GALNT10: variants seen among roughly 807,000 people sequenced by gnomAD.
GALNT10 encodes the protein polypeptide N-acetylgalactosaminyltransferase 10.
A neutral mutation model predicts 75.0 loss-of-function variants in GALNT10; 41 were observed. The observed-to-expected ratio is 0.55, with a 90% CI of 0.43 to 0.71. GALNT10 has a LOEUF of 0.71. Ranked by LOEUF, GALNT10 falls within the 30% of genes least tolerant of loss-of-function variation. GALNT10 has a pLI of 0.00. For missense variants in GALNT10, 727 were observed against 818.5 expected (o/e 0.89, Z 1.36); for synonymous variants, 302 against 313.0 (o/e 0.96, Z 0.37).
chr5:154,269,533 G>C (rs1271219117), intron 1 of GALNT10, among the ~76,000 whole-genome samples: 1 of 152,176 alleles, frequency 6.6e-6, no homozygotes, highest in Non-Finnish European at 1.5e-5. Flanking sequence ...TATAAATGCT[G>C]TGTCCTTTGA....
At chr5:154,373,036 G>A (rs1224707547) in intron 4 of GALNT10, among the ~76,000 whole-genome samples, 1 of 152,140 alleles carries the variant, frequency 6.6e-6, no homozygotes, top group Non-Finnish European at 1.5e-5. Flanking sequence ...CTAGAATAGG[G>A]GTGATGAGTA....
Position 154,391,563 on chromosome 5 carries a change from C to T in GALNT10, c.1056+5133C>T, listed in dbSNP as rs550385959. On this transcript the variant is annotated intron_variant, in intron 7 of 11. Coordinates refer to ENST00000297107, the MANE Select transcript of GALNT10 (RefSeq NM_198321.4). The stretch of plus-strand genomic sequence containing the variant: ...AGTCTTTAACTCCATAGCCTAGCTC[C>T]AGCTAGGTTCATGAGCTGGCCCTAC... 6.6e-5 allele frequency among the ~76,000 whole-genome samples: 10 copies of T among 152,344 alleles called. No homozygotes were observed. In the South Asian group the frequency reaches 2.1e-3, roughly 32 times the overall value.
rs537934190 is a variant in GALNT10 at position 154,257,158 on chromosome 5, T to A, written c.160-37658T>A. Among the ~76,000 whole-genome samples the A allele has an allele frequency of 1.1e-4, 17 of 152,224 alleles. No individual in the cohort carries two copies. The South Asian group carries it at 3.5e-3, about 32-fold the overall frequency. ...ATAAACTGAGACTCAGGTTAAGCAATTGCCCAAAGCTACTTATCTAGCCAG... is the reference window on the plus strand; with the variant it reads ...ATAAACTGAGACTCAGGTTAAGCAAATGCCCAAAGCTACTTATCTAGCCAG... On this transcript the variant is annotated intron_variant, in intron 1 of 11. Transcript: ENST00000297107.
At position 154,279,372 on chromosome 5, in the gene GALNT10, C is replaced by T. The variant is rs541611188; in HGVS notation, c.160-15444C>T. Reference sequence around the variant, plus strand: ...AGGCTGGAGTACAATGGCACGATCTCGGCTCACCACAACCTCCGCCTCCCA... The same window carrying T: ...AGGCTGGAGTACAATGGCACGATCTTGGCTCACCACAACCTCCGCCTCCCA... On this transcript the variant is annotated intron_variant, in intron 1 of 11. Coordinates refer to ENST00000297107, the MANE Select transcript of GALNT10 (RefSeq NM_198321.4). Among the ~76,000 whole-genome samples the T allele has an allele frequency of 3.7e-4, 55 of 147,144 alleles. 1 individual carries two copies. The East Asian group carries it at 7.7e-3, about 21-fold the overall frequency.
At position 154,257,086 on chromosome 5, in the gene GALNT10, G is replaced by T. The variant is rs1013412325; in HGVS notation, c.160-37730G>T. Among the ~76,000 whole-genome samples, 3 of 152,064 alleles carry T rather than the reference G, an allele frequency of 2.0e-5. No individual in the cohort carries two copies. The South Asian group carries it at 6.2e-4, about 32-fold the overall frequency. ...AGCCAGGAGTTTGAGACCAGTTGGG[G>T]CACCATAGCAAGACCCCGTCTCCAA... On this transcript the variant is annotated intron_variant, in intron 1 of 11. Transcript: ENST00000297107.
chr5:154,415,934 T>G lies in GALNT10; in HGVS notation c.1653+2T>G. 1 of 1,613,580 alleles carries G rather than the reference T, an allele frequency of 6.2e-7. No individual in the cohort carries two copies. The highest frequency in any genetic ancestry group is 8.5e-7 in the Non-Finnish European group (1 of 1,179,670). ...AACCAGCTGTGGAAATACCGCAAAG[T>G]AAGATGGGATGCGGGGGGAGCAGGG... is the stretch of plus-strand genomic sequence containing the variant. On this transcript the variant is annotated splice_donor_variant, in intron 11 of 11. Coordinates refer to ENST00000297107, the MANE Select transcript of GALNT10 (RefSeq NM_198321.4). LOFTEE classifies it high-confidence loss of function.
In GALNT10 at chr5:154,378,317, T is replaced by TATCATCATCATCATCATCATCATC. The variant is rs111591729; in HGVS notation, c.754+1858_754+1881dup. On this transcript the variant is annotated intron_variant, in intron 5 of 11. Coordinates refer to ENST00000297107, the MANE Select transcript of GALNT10 (RefSeq NM_198321.4). ...CACTGTTGATCATCATTTCCTTTTTTATCATCATCATCATCATCATCATCA... is the reference window on the plus strand; with the variant it reads ...CACTGTTGATCATCATTTCCTTTTTTATCATCATCATCATCATCATCATCATCATCATCATCATCATCATCATCA... Among the ~76,000 whole-genome samples, 9 of 150,992 alleles carry TATCATCATCATCATCATCATCATC rather than the reference T, an allele frequency of 6.0e-5. No individual in the cohort carries two copies. In the East Asian group the frequency reaches 1.2e-3, roughly 20 times the overall value.
At chr5:154,305,077 G>A (rs1754411547) in intron 3 of GALNT10, among the ~76,000 whole-genome samples, 1 of 152,152 alleles carries the variant, frequency 6.6e-6, no homozygotes, top group African/African-American at 2.4e-5. Context: ...TGAGGCAGGA[G>A]GATCGCTTAA....
chr5:154,336,483 C>T (rs1581979893), intron 4 of GALNT10, among the ~76,000 whole-genome samples: 1 of 152,200 alleles, frequency 6.6e-6, no homozygotes, highest in Admixed American at 6.5e-5. Context: ...TGTTCCACCT[C>T]CTCGTCAGCA....
intron 8 of GALNT10, among the ~76,000 whole-genome samples, chr5:154,406,576 C>T (rs1044282849): frequency 3.3e-5 from 5 of 152,186 alleles, no homozygotes; most frequent in Non-Finnish European, 7.3e-5. Context: ...GCGGGCGGAT[C>T]ACCTGAGGTC....
chr5:154,252,805 G>C (rs1462674449), intron 1 of GALNT10, among the ~76,000 whole-genome samples: 1 of 151,494 alleles, frequency 6.6e-6, no homozygotes, highest in Non-Finnish European at 1.5e-5. Context: ...CCTTGTTTTG[G>C]TTTTCTTATT....
chr5:154,275,222 G>A (rs1267547800), intron 1 of GALNT10, among the ~76,000 whole-genome samples: 2 of 152,224 alleles, frequency 1.3e-5, no homozygotes, highest in East Asian at 1.9e-4. Flanking sequence ...AGGATACAGA[G>A]ATGAATAAAA....
intron 1 of GALNT10, among the ~76,000 whole-genome samples, chr5:154,241,118 C>T (rs982689511): frequency 6.6e-6 from 1 of 152,126 alleles, no homozygotes; most frequent in Admixed American, 6.5e-5. Context: ...CTGTCATTCT[C>T]GCTTTTGACT....
rs1755654071 is a variant in GALNT10 at position 154,376,532 on chromosome 5, G to A, written c.754+70G>A. 8.7e-7 allele frequency: 1 copy of A among 1,143,306 alleles called. No individual in the cohort carries two copies. Among genetic ancestry groups the A allele is most frequent in the Non-Finnish European group, 1.2e-6 (1 of 805,216 alleles). 70.8% of individuals were successfully genotyped at this position (1,143,306 alleles called of 1,614,324 possible). On this transcript the variant is annotated intron_variant, in intron 5 of 11. Transcript: ENST00000297107. This position sits in a 1 kb window ranked among gnomAD's most constrained non-coding sequence, Gnocchi z 4.1. Reference sequence around the variant, plus strand: ...CCAGTGCCAGTGGCCCCCTCCTGCTGCAGGGAGCCATCCATAAGCCTTCCC... The same window carrying A: ...CCAGTGCCAGTGGCCCCCTCCTGCTACAGGGAGCCATCCATAAGCCTTCCC...
intron 1 of GALNT10, among the ~76,000 whole-genome samples, chr5:154,196,812 C>T (rs1774953169): frequency 1.3e-5 from 2 of 152,154 alleles, no homozygotes; most frequent in South Asian, 2.1e-4. Context: ...TACCCTAGAG[C>T]TAGGAGTGGA....
intron 1 of GALNT10, among the ~76,000 whole-genome samples, chr5:154,265,976 T>G (rs542145768): frequency 1.3e-5 from 2 of 152,222 alleles, no homozygotes; most frequent in South Asian, 4.1e-4. Context: ...AATGAGAACT[T>G]TAAAAAACTC....
At chr5:154,251,345 T>C (rs1483976976) in intron 1 of GALNT10, among the ~76,000 whole-genome samples, 1 of 152,218 alleles carries the variant, frequency 6.6e-6, no homozygotes, top group Non-Finnish European at 1.5e-5. Flanking sequence ...AGTCTCAATC[T>C]ACAGGTTTCC....
intron 1 of GALNT10, among the ~76,000 whole-genome samples, chr5:154,209,214 T>C (rs181048955): frequency 3.3e-4 from 51 of 152,304 alleles, no homozygotes; most frequent in South Asian, 3.3e-3. Flanking sequence ...AGGAGGCTAG[T>C]GCCAGAGACG....
In GALNT10 at chr5:154,190,857, A is replaced by G; in HGVS notation, c.-10A>G. 7.7e-7 allele frequency: 1 copy of G among 1,290,378 alleles called. No individual in the cohort carries two copies. The highest frequency in any genetic ancestry group is 9.9e-7 in the Non-Finnish European group (1 of 1,008,854). The allele number at this position is 1,290,378 out of a possible 1,614,324, so 79.9% of individuals were successfully genotyped here. ...GGGCCGGCGGGGCGCGGCGGGGCTG[A>G]CCGGCCCCGATGAGGCGGAAGGAGA... On this transcript the variant is annotated 5_prime_UTR_variant, in exon 1 of 12. Transcript: ENST00000297107.
Sources: gnomAD v4.1 joint callset for allele counts (sites outside exome capture counted in the v4.1 genomes callset) on GRCh38, gnomAD v4.1.1 for gene constraint, Gnocchi (gnomAD v3.1) non-coding constraint, MANE v1.5 for transcripts, NCBI Gene and HGNC (gene_info 2026-07-23, HGNC 2026-07-21) for gene names.